CDH4: variants seen among roughly 807,000 people sequenced by gnomAD.
CDH4 encodes cadherin-4.
A neutral mutation model predicts 86.0 loss-of-function variants in CDH4; 33 were observed. That is an observed-to-expected ratio of 0.38 (90% confidence interval 0.29 to 0.51). The LOEUF (loss-of-function observed/expected upper bound fraction) is 0.51. Ranked by LOEUF, CDH4 falls within the 20% of genes least tolerant of loss-of-function variation. The pLI is 0.86. For synonymous variants in CDH4, 555 were observed against 549.4 expected, an observed-to-expected ratio of 1.01 and a Z score of -0.14; for missense variants, 1,114 against 1,307.4, an observed-to-expected ratio of 0.85 and a Z score of 2.28.
At chr20:61,434,628 T>G (rs968813083) in intron 2 of CDH4, 4 of 152,170 alleles carry the variant, frequency 2.6e-5, no homozygotes, top group African/African-American at 7.2e-5. Flanking sequence ...TCTCGTTCAT[T>G]TAAGCACATT....
chr20:61,691,295 GTGTA>G (rs1205718937), intron 2 of CDH4, among the ~76,000 whole-genome samples: 14 of 152,154 alleles, frequency 9.2e-5, no homozygotes, highest in East Asian at 7.7e-4. Flanking sequence ...GCATATGTGT[GTGTA>G]TGTATTTGTG....
intron 3 of CDH4, among the ~76,000 whole-genome samples, chr20:61,760,426 C>T (rs2088620516): frequency 6.6e-6 from 1 of 152,190 alleles, no homozygotes; most frequent in South Asian, 2.1e-4. Flanking sequence ...ATCCTCCATG[C>T]TCTGTGTCCT....
chr20:61,882,328 G>C (rs1436497436), intron 7 of CDH4, among the ~76,000 whole-genome samples: 1 of 152,280 alleles, frequency 6.6e-6, no homozygotes, highest in African/African-American at 2.4e-5. Flanking sequence ...TTTCATCTGT[G>C]CCCTCAGCGG....
chr20:61,845,030 G>T (rs1257012760), intron 5 of CDH4, among the ~76,000 whole-genome samples: 1 of 152,266 alleles, frequency 6.6e-6, no homozygotes, highest in East Asian at 1.9e-4. Context: ...GGTGGGCCCA[G>T]GGTGGGCCTG....
At position 61,550,040 on chromosome 20, in the gene CDH4, G is replaced by A. The variant is rs912870691; in HGVS notation, c.170-193523G>A. ...TGGCCTCCTTGTCCTGGCCTCCCTGGCCTCCCTGCCCCAACCTCCCTGGCC... is the reference window on the plus strand; with the variant it reads ...TGGCCTCCTTGTCCTGGCCTCCCTGACCTCCCTGCCCCAACCTCCCTGGCC... On this transcript the variant is annotated intron_variant, in intron 2 of 15. Transcript: ENST00000614565. 3.3e-5 allele frequency among the ~76,000 whole-genome samples: 5 copies of A among 151,594 alleles called. No homozygotes were observed. In the East Asian group the frequency reaches 7.8e-4, roughly 24 times the overall value.
At chr20:61,792,139 G>T (rs972112525) in intron 4 of CDH4, among the ~76,000 whole-genome samples, 5 of 152,122 alleles carry the variant, frequency 3.3e-5, no homozygotes, top group Non-Finnish European at 7.4e-5. Context: ...GACAGTAGAG[G>T]CGTGAAGGTG....
intron 6 of CDH4, among the ~76,000 whole-genome samples, chr20:61,858,501 GTCTGTGTCTGTGTA>G (rs1254754096): frequency 2.0e-5 from 3 of 150,062 alleles, no homozygotes; most frequent in Admixed American, 1.3e-4. Context: ...GTATGTGTGT[GTCTGTGTCTGTGTA>G]TCTGTGTCTG....
intron 2 of CDH4, among the ~76,000 whole-genome samples, chr20:61,491,620 C>T (rs936476691): frequency 5.3e-5 from 8 of 152,174 alleles, no homozygotes; most frequent in African/African-American, 1.7e-4. Context: ...CTGCCATTGT[C>T]TCTCTGTTGT....
At position 61,618,326 on chromosome 20, in the gene CDH4, G is replaced by C. The variant is rs191784054; in HGVS notation, c.170-125237G>C. ...GCCTCCCATCCCATCCTGGCTGGGA[G>C]CGTTGTTTTTCAGGTTTCTCTGGGG... On this transcript the variant is annotated intron_variant, in intron 2 of 15. Coordinates refer to ENST00000614565, the MANE Select transcript of CDH4 (RefSeq NM_001794.5). Among the ~76,000 whole-genome samples, 486 of 152,276 alleles carry C rather than the reference G, an allele frequency of 3.2e-3. 11 individuals carry two copies. The highest frequency in any genetic ancestry group is 0.028 in the Admixed American group (429 of 15,302).
At chr20:61,625,091 T>C (rs983358663) in intron 2 of CDH4, among the ~76,000 whole-genome samples, 26 of 152,318 alleles carry the variant, frequency 1.7e-4, no homozygotes, top group African/African-American at 6.0e-4. Context: ...CCTCTCGTGT[T>C]GCCCTTTGAG....
chr20:61,936,777 A>G lies in CDH4; in HGVS notation c.2585A>G (p.Tyr862Cys). The G allele has an allele frequency of 6.2e-7, 1 of 1,609,580 alleles. No homozygotes were observed. The highest frequency in any genetic ancestry group is 1.1e-5 in the South Asian group (1 of 90,504). Residue 862 changes from tyrosine (Y) to cysteine (C), a missense_variant, in exon 16 of 16, where the codon TAT (tyrosine) becomes TGT (cysteine). By Grantham distance (194) the Tyr-to-Cys change is radical. This residue lies in a region of CDH4 where 188 missense variants were observed against 183.8 expected (regional missense o/e 1.02). Coordinates refer to ENST00000614565, the MANE Select transcript of CDH4 (RefSeq NM_001794.5). Reference sequence around the variant, plus strand: ...GACAACGACCCCACGGCACCCCCCTATGACTCCCTGCTGGTCTTCGACTAC... The same window carrying G: ...GACAACGACCCCACGGCACCCCCCTGTGACTCCCTGCTGGTCTTCGACTAC... ...AADNDPTAPP[Y>C]DSLLVFDYEG... is the part of the protein sequence containing the mutation.
intron 2 of CDH4, among the ~76,000 whole-genome samples, chr20:61,662,662 G>C (rs533454012): frequency 1.3e-5 from 2 of 152,328 alleles, no homozygotes; most frequent in Non-Finnish European, 2.9e-5. Context: ...AGGCTGATTA[G>C]AGAGAGGAAC....
chr20:61,814,540 G>T (rs1166633197), intron 4 of CDH4, among the ~76,000 whole-genome samples: 1 of 152,238 alleles, frequency 6.6e-6, no homozygotes, highest in Non-Finnish European at 1.5e-5. Context: ...GAGATGGAAG[G>T]CAGAGCTCAT....
At position 61,393,231 on chromosome 20, in the gene CDH4, C is replaced by T. The variant is rs982407096; in HGVS notation, c.169+138294C>T. Reference sequence around the variant, plus strand: ...CCTCGCGGGAGCTTCCCTGGGGGTGCAGGACCCAGTGTTCCCTCCAACAAG... The same window carrying T: ...CCTCGCGGGAGCTTCCCTGGGGGTGTAGGACCCAGTGTTCCCTCCAACAAG... On this transcript the variant is annotated intron_variant, in intron 2 of 15. Transcript: ENST00000614565. This position sits in a 1 kb window ranked among gnomAD's most constrained non-coding sequence, Gnocchi z 4.3. 2.0e-5 allele frequency among the ~76,000 whole-genome samples: 3 copies of T among 152,124 alleles called. No homozygotes were observed. The highest frequency in any genetic ancestry group is 7.2e-5 in the African/African-American group (3 of 41,418).
chr20:61,410,590 A>G (rs577399717), intron 2 of CDH4, among the ~76,000 whole-genome samples: 5 of 146,360 alleles, frequency 3.4e-5, no homozygotes, highest in East Asian at 4.0e-4. Flanking sequence ...CCATCTGTCA[A>G]TCATCCATCT....
chr20:61,760,375 T>C (rs939191020), intron 3 of CDH4, among the ~76,000 whole-genome samples: 1 of 152,032 alleles, frequency 6.6e-6, no homozygotes, highest in Admixed American at 6.5e-5. Context: ...TGCCCACAGG[T>C]GCGCGGGGAG....
At chr20:61,827,255 C>T (rs773382924) in intron 4 of CDH4, among the ~76,000 whole-genome samples, 8 of 152,078 alleles carry the variant, frequency 5.3e-5, no homozygotes, top group African/African-American at 9.7e-5. Flanking sequence ...ATTGCTACAC[C>T]GGTGGGAATT....
Position 61,793,947 on chromosome 20 carries a change from A to G in CDH4, c.576+20765A>G, listed in dbSNP as rs369420126. ...AAGTCAGGAGATAGAGAGCATCCTGACTAACACGGTGAAACCTCGTCTCTA... is the reference window on the plus strand; with the variant it reads ...AAGTCAGGAGATAGAGAGCATCCTGGCTAACACGGTGAAACCTCGTCTCTA... On this transcript the variant is annotated intron_variant, in intron 4 of 15. Coordinates refer to ENST00000614565, the MANE Select transcript of CDH4 (RefSeq NM_001794.5). 7.2e-3 allele frequency among the ~76,000 whole-genome samples: 1,069 copies of G among 149,414 alleles called. 3 individuals carry two copies. The highest frequency in any genetic ancestry group is 0.01 in the Middle Eastern group (3 of 288).
At chr20:61,628,330 C>T (rs1160483369) in intron 2 of CDH4, among the ~76,000 whole-genome samples, 1 of 151,892 alleles carries the variant, frequency 6.6e-6, no homozygotes, top group East Asian at 1.9e-4. Context: ...GAACCGGGCA[C>T]CCCCACCCCT....
Sources: gnomAD v4.1 joint callset for allele counts (sites outside exome capture counted in the v4.1 genomes callset) on GRCh38, gnomAD v4.1.1 for gene constraint, gnomAD v4.1.1 regional missense constraint, Gnocchi (gnomAD v3.1) non-coding constraint, MANE v1.5 for transcripts, NCBI Gene and HGNC (gene_info 2026-07-23, HGNC 2026-07-21) for gene names.